Variants in SCRIB observed in about 807,000 individuals in gnomAD.
SCRIB encodes scribble planar cell polarity protein, also known as protein scribble homolog.
Under a neutral mutation model 170.0 loss-of-function variants are expected in SCRIB, and 72 were observed. The observed-to-expected ratio is 0.42, with a 90% confidence interval of 0.35 to 0.52. The LOEUF is 0.52. SCRIB is among the 20% of genes least tolerant of loss of function. The pLI is 0.02. For missense variants in SCRIB, 2,475 were observed against 2,338.5 expected, an observed-to-expected ratio of 1.06 and a Z score of -1.20; for synonymous variants, 1,298 against 1,044.3, an observed-to-expected ratio of 1.24 and a Z score of -4.68.
Position 143,804,138 on chromosome 8 carries a change from C to G in SCRIB, c.3028G>C (p.Ala1010Pro). Residue 1010 changes from alanine to proline, a missense_variant, in exon 22 of 37, where the codon GCT becomes CCT. Physicochemically the swap from Ala to Pro is conservative, Grantham distance 27 (BLOSUM62 -1). This residue lies in a region of SCRIB where 1,966 missense variants were observed against 1,742.9 expected (regional missense o/e 1.13). Transcript: ENST00000356994. ...ATACTAAGCCCCAGAGGGCCCCCAG[C>G]TCTTGGCAGACGGATCTCCTGGGGA... ...YPVEEIRLPR[A>P]GGPLGLSIVG... The G allele has an allele frequency of 6.2e-7, 1 of 1,611,118 alleles. No individual in the cohort carries two copies. The highest frequency in any genetic ancestry group is 8.5e-7 in the Non-Finnish European group (1 of 1,178,572).
intron 6 of SCRIB, 45 bp downstream of exon 6, chr8:143,813,266 C>G (rs1445074606): frequency 8.7e-6 from 14 of 1,611,328 alleles, no homozygotes; most frequent in African/African-American, 1.3e-5. Context: ...GCCCTTGCTT[C>G]CGTGGCCCGC....
intron 28 of SCRIB, 93 bp from the exon 29 acceptor site, chr8:143,793,176 C>T: frequency 1.4e-6 from 1 of 690,704 alleles, no homozygotes; most frequent in Non-Finnish European, 2.2e-6. Context: ...CGCCTGTCCC[C>T]CCGCCTGCCT....
intron 3 of SCRIB, 41 bp downstream of exon 3, chr8:143,813,777 A>AC (rs779470533): frequency 1.2e-6 from 2 of 1,605,978 alleles, no homozygotes; most frequent in South Asian, 2.2e-5. Flanking sequence ...GGGCTGTGGG[A>AC]CCCATAGCCC....
intron 15 of SCRIB, 149 bp downstream of exon 15, chr8:143,808,460 G>A: frequency 1.1e-6 from 1 of 927,322 alleles, no homozygotes; most frequent in Non-Finnish European, 1.5e-6. Flanking sequence ...GAGTGGCCGT[G>A]ATGCCGACTG....
At chr8:143,814,304 G>A (rs1032873397) in intron 1 of SCRIB, among the ~76,000 whole-genome samples, 186 bp from the exon 2 acceptor site, 17 of 152,004 alleles carry the variant, frequency 1.1e-4, no homozygotes, top group Non-Finnish European at 1.9e-4. Context: ...CGGTACACAC[G>A]CCCACTGTGG....
chr8:143,800,797 G>A (rs1468952781), intron 24 of SCRIB, among the ~76,000 whole-genome samples: 1 of 152,232 alleles, frequency 6.6e-6, no homozygotes, highest in Non-Finnish European at 1.5e-5. Context: ...GATCGCTTGA[G>A]CCCGGCAGGG....
At chr8:143,794,456 T>A (rs374372436) in intron 27 of SCRIB, among the ~76,000 whole-genome samples, 1 of 152,144 alleles carries the variant, frequency 6.6e-6, no homozygotes, top group Admixed American at 6.5e-5. Context: ...AGCCCCCGAA[T>A]GCGCTGCCTC....
At chr8:143,808,058 C>T (rs933272831) in intron 15 of SCRIB, among the ~76,000 whole-genome samples, 5 of 152,124 alleles carry the variant, frequency 3.3e-5, no homozygotes, top group Admixed American at 6.5e-5. Flanking sequence ...CAGGAGGGCC[C>T]GACAAGGCAG....
intron 28 of SCRIB, 135 bp downstream of exon 28, chr8:143,793,765 A>T: frequency 1.2e-6 from 1 of 802,776 alleles, no homozygotes; most frequent in Non-Finnish European, 2.0e-6. Context: ...ATGGTAGCAG[A>T]GGGAAAACCG....
At chr8:143,807,158 G>A in intron 16 of SCRIB, 145 bp from the exon 17 acceptor site, 1 of 664,420 alleles carries the variant, frequency 1.5e-6, no homozygotes, top group African/African-American at 1.8e-5. Context: ...ACCAGCCAGG[G>A]CCAGCCCAGA....
At position 143,803,577 on chromosome 8, in the gene SCRIB, G is replaced by A. The variant is rs1426745972; in HGVS notation, c.3415-6C>T. The A allele has an allele frequency of 3.1e-6, 5 of 1,598,082 alleles. No homozygotes were observed. The highest frequency in any genetic ancestry group is 4.3e-6 in the Non-Finnish European group (5 of 1,176,274). ...GCTGCCCCCGTGGGGCTCACCTGTGGGGAGACGTGGTATGGGAGAGACCTG... is the reference window on the plus strand; with the variant it reads ...GCTGCCCCCGTGGGGCTCACCTGTGAGGAGACGTGGTATGGGAGAGACCTG... On this transcript the variant is annotated splice_polypyrimidine_tract_variant and splice_region_variant and intron_variant, in intron 23 of 36. Transcript: ENST00000356994.
intron 28 of SCRIB, chr8:143,793,641 T>TG (rs782226928): frequency 6.5e-6 from 3 of 462,254 alleles, no homozygotes; most frequent in Non-Finnish European, 1.2e-5. Context: ...AGACACTGAC[T>TG]GGGGTCTCAG....
At chr8:143,806,289 T>G in intron 18 of SCRIB, 118 bp downstream of exon 18, 1 of 776,568 alleles carries the variant, frequency 1.3e-6, no homozygotes, top group Non-Finnish European at 2.2e-6. Context: ...AGTCTGGGTG[T>G]CCTGTGCTTG....
At position 143,804,630 on chromosome 8, in the gene SCRIB, C is replaced by A; in HGVS notation, c.2947G>T (p.Gly983Trp). The A allele has an allele frequency of 6.5e-7, 1 of 1,529,644 alleles. No homozygotes were observed. The highest frequency in any genetic ancestry group is 8.8e-7 in the Non-Finnish European group (1 of 1,138,942). The allele number at this position is 1,529,644 out of a possible 1,614,324, so 94.8% of individuals were successfully genotyped here. ...SITTATPGVP[G>W]LPSLAPSLLA... Reference sequence around the variant, plus strand: ...AGGCTGGGGGCCAGGCTCGGCAACCCAGGCACCCCGGGGGTGGCAGTGGTT... The same window carrying A: ...AGGCTGGGGGCCAGGCTCGGCAACCAAGGCACCCCGGGGGTGGCAGTGGTT... The change falls in exon 21 of 37, where the codon GGG (glycine) becomes TGG (tryptophan). Residue 983 changes from glycine (G) to tryptophan (W), a missense_variant. Physicochemically the swap from Gly to Trp is radical, Grantham distance 184. This residue lies in a region of SCRIB where 1,966 missense variants were observed against 1,742.9 expected (regional missense o/e 1.13). Coordinates refer to ENST00000356994, the MANE Select transcript of SCRIB (RefSeq NM_182706.5).
At chr8:143,812,672 C>T in intron 8 of SCRIB, 145 bp downstream of exon 8, 1 of 1,145,776 alleles carries the variant, frequency 8.7e-7, no homozygotes, top group African/African-American at 1.5e-5. Context: ...AGGGTCCCAC[C>T]TCCCCTCCCC....
chr8:143,815,616 G>C lies in SCRIB; in HGVS notation c.-244C>G, dbSNP rs1488451672. 6 of 982,052 alleles carry C rather than the reference G, an allele frequency of 6.1e-6. No homozygotes were observed. The highest frequency in any genetic ancestry group is 5.3e-5 in the African/African-American group (3 of 56,830). The allele number at this position is 982,052 out of a possible 1,614,324, so 60.8% of individuals were successfully genotyped here. A position where few individuals can be genotyped will look rare whatever the true frequency, so the allele number is the denominator to read the frequency against. On this transcript the variant is annotated 5_prime_UTR_variant, in exon 1 of 37. Coordinates refer to ENST00000356994, the MANE Select transcript of SCRIB (RefSeq NM_182706.5). ...GTCTCAGACTCTTAGGAAGCGCGGG[G>C]AGCGGCGGCGGCGGCGGCTCCGCAT...
intron 16 of SCRIB, 97 bp downstream of exon 16, chr8:143,807,455 G>A (rs1815478991): frequency 4.1e-6 from 4 of 984,392 alleles, no homozygotes; most frequent in Non-Finnish European, 6.5e-6. Flanking sequence ...AGAGGGATCT[G>A]CGCTCAAGCA....
Position 143,792,579 on chromosome 8 carries a change from CCCCAGCCTCTGCCGCCTCCCG to C in SCRIB, c.4213_4233del (p.Arg1405_Gly1411del). 1 of 1,582,978 alleles carries C rather than the reference CCCCAGCCTCTGCCGCCTCCCG, an allele frequency of 6.3e-7. No individual in the cohort carries two copies. Among genetic ancestry groups the C allele is most frequent in the South Asian group, 1.1e-5 (1 of 88,432 alleles). On this transcript the variant is annotated inframe_deletion, in exon 31 of 37. Coordinates refer to ENST00000356994, the MANE Select transcript of SCRIB (RefSeq NM_182706.5). Reference sequence around the variant, plus strand: ...CCGTCCAGGGCGAGCCTCGCTTCGGCCCCAGCCTCTGCCGCCTCCCGCAGCATCTGCGCTCTCTTCTGCTGT... The same window carrying C: ...CCGTCCAGGGCGAGCCTCGCTTCGGCCAGCATCTGCGCTCTCTTCTGCTGT...
In SCRIB at chr8:143,815,710, G is replaced by A. The variant is rs1816067672; in HGVS notation, c.-338C>T. ...GCTGTGCCGCACCGGAACCGCCGCT[G>A]CCCGCCGGACTGCCCCGCCGACACC... is the stretch of plus-strand genomic sequence containing the variant. On this transcript the variant is annotated 5_prime_UTR_variant, in exon 1 of 37. Coordinates refer to ENST00000356994, the MANE Select transcript of SCRIB (RefSeq NM_182706.5). 5.1e-6 allele frequency: 5 copies of A among 983,402 alleles called. No homozygotes were observed. In the South Asian group the frequency reaches 1.9e-4, roughly 37 times the overall value. The allele number at this position is 983,402 out of a possible 1,614,324, so 60.9% of individuals were successfully genotyped here. A position where few individuals can be genotyped will look rare whatever the true frequency, so the allele number is the denominator to read the frequency against.
Sources: allele counts gnomAD v4.1 joint callset (sites outside exome capture counted in the v4.1 genomes callset), GRCh38; gene constraint gnomAD v4.1.1; regional missense constraint gnomAD v4.1.1; transcripts MANE v1.5; gene names NCBI Gene and HGNC (gene_info 2026-07-23, HGNC 2026-07-21).